The following WDR75 variants were observed in gnomAD, a reference collection of about 807,000 sequenced individuals.
The protein encoded by WDR75 is WD repeat domain 75, also known as WD repeat-containing protein 75.
A neutral mutation model predicts 106.1 loss-of-function variants in WDR75; 52 were observed. The observed-to-expected ratio is 0.49, with a 90% confidence interval of 0.39 to 0.62. The LOEUF (loss-of-function observed/expected upper bound fraction) is 0.62. Ranked by LOEUF, WDR75 falls within the 20% of genes least tolerant of loss-of-function variation. The pLI, the probability that WDR75 is intolerant of heterozygous loss-of-function variation, is 0.00. For synonymous variants in WDR75, 333 were observed against 335.5 expected (o/e 0.99, Z 0.08); for missense variants, 905 against 970.3 (o/e 0.93, Z 0.89).
chr2:189,451,991 A>G (rs984003389), intron 4 of WDR75, 96 bp downstream of exon 4: 3 of 970,112 alleles, frequency 3.1e-6, no homozygotes, highest in African/African-American at 3.3e-5. Context: ...TCTGAAGCCA[A>G]CAGTTTTTAG....
chr2:189,449,457 A>T, intron 2 of WDR75: 4 of 1,159,076 alleles, frequency 3.5e-6, no homozygotes, highest in Non-Finnish European at 4.3e-6. Context: ...CGCTGTGTGT[A>T]GTGTTTGAAT....
At chr2:189,457,821 C>A (rs966603) in intron 6 of WDR75, among the ~76,000 whole-genome samples, 152,193 of 152,326 alleles carry the variant, frequency 1, 76,030 homozygotes, top group Non-Finnish European at 1. Context: ...CAGAGTTGTA[C>A]TGATGAATGA....
chr2:189,464,632 A>G (rs1258400636), intron 11 of WDR75, among the ~76,000 whole-genome samples: 2 of 152,182 alleles, frequency 1.3e-5, no homozygotes, highest in African/African-American at 2.4e-5. Context: ...TAAAACAACC[A>G]TAAATAAATG....
Position 189,458,803 on chromosome 2 carries a change from C to T in WDR75, c.620C>T (p.Thr207Ile), listed in dbSNP as rs978949559. The change falls in exon 7 of 21, where the codon ACA becomes ATA. Residue 207 changes from threonine to isoleucine, a missense_variant. Transcript: ENST00000314761. ...RNKKHAKNNF[T>I]CVACHPTEDC... ...AAGAAGCATGCTAAAAACAATTTTA[C>T]ATGTGTAGCATGTCACCCAACGGAA... 5 of 1,606,424 alleles carry T rather than the reference C, an allele frequency of 3.1e-6. No individual in the cohort carries two copies. Among genetic ancestry groups the T allele is most frequent in the Non-Finnish European group, 4.2e-6 (5 of 1,176,628 alleles).
chr2:189,462,743 G>GT (rs1464857981), intron 9 of WDR75, 101 bp downstream of exon 9: 9 of 1,154,562 alleles, frequency 7.8e-6, no homozygotes, highest in African/African-American at 1.5e-5. Context: ...TAAGAGTAGC[G>GT]TATGAGATTT....
chr2:189,459,271 G>T, intron 7 of WDR75, 65 bp from the exon 8 acceptor site: 2 of 1,151,486 alleles, frequency 1.7e-6, no homozygotes, highest in Non-Finnish European at 2.5e-6. Context: ...TATTGTATTT[G>T]GCATGCCATT....
At chr2:189,457,204 A>G (rs112846132) in intron 5 of WDR75, 107 bp from the exon 6 acceptor site, 30,175 of 723,364 alleles carry the variant, frequency 0.042, 963 homozygotes, top group African/African-American at 0.13. Context: ...TCGCACCATC[A>G]CATTCCAGCC....
rs773207890 is a variant in WDR75, at chr2:189,467,534, G to A, written c.1514G>A (p.Cys505Tyr). Residue 505 changes from cysteine (C) to tyrosine (Y), a missense_variant, in exon 14 of 21, where the codon TGT becomes TAT. Cys to Tyr is a radical substitution (Grantham distance 194). Transcript: ENST00000314761. Reference sequence around the variant, plus strand: ...CACAAGTATCAAGCAACTAACTGTTGTTTCTCCGAAGATGGTTCTTTACTA... The same window carrying A: ...CACAAGTATCAAGCAACTAACTGTTATTTCTCCGAAGATGGTTCTTTACTA... ...SYHKYQATNC[C>Y]FSEDGSLLAV... is the part of the protein sequence containing the mutation. 6.2e-7 allele frequency: 1 copy of A among 1,611,204 alleles called. No individual in the cohort carries two copies. Among genetic ancestry groups the A allele is most frequent in the African/African-American group, 1.3e-5 (1 of 74,878 alleles).
rs540544797 is a variant in WDR75, at chr2:189,450,938, G to A, written c.252G>A (p.Leu84=). 6.2e-7 allele frequency: 1 copy of A among 1,610,900 alleles called. No individual in the cohort carries two copies. The highest frequency in any genetic ancestry group is 8.5e-7 in the Non-Finnish European group (1 of 1,179,230). Residue 84 remains leucine, a synonymous_variant, in exon 3 of 21, where the codon CTG becomes CTA. Transcript: ENST00000314761. ...GTTCCCTTGATGGCACAATTAAACTGTGGGACTATATAGATGGCATCTTAA... is the reference window on the plus strand; with the variant it reads ...GTTCCCTTGATGGCACAATTAAACTATGGGACTATATAGATGGCATCTTAA... ...YSCSLDGTIK[L]WDYIDGILIK...
intron 1 of WDR75, among the ~76,000 whole-genome samples, chr2:189,442,500 G>C (rs1323729884): frequency 7.9e-6 from 1 of 127,254 alleles, no homozygotes; most frequent in Non-Finnish European, 1.6e-5. Flanking sequence ...ACCCAGGCTG[G>C]AGTGCAGTGG....
chr2:189,449,640 G>A, intron 2 of WDR75: 1 of 1,027,914 alleles, frequency 9.7e-7, no homozygotes, highest in Non-Finnish European at 1.2e-6. Context: ...AGGTGCAGGG[G>A]CAGCAGTTCT....
chr2:189,471,120 GA>G (rs1412269384), intron 18 of WDR75, among the ~76,000 whole-genome samples: 1 of 151,992 alleles, frequency 6.6e-6, no homozygotes, highest in African/African-American at 2.4e-5. Flanking sequence ...AGGCTCTTCA[GA>G]AAAAACTTCT....
intron 2 of WDR75, chr2:189,450,580 G>A (rs574981929): frequency 9.0e-6 from 10 of 1,109,898 alleles, no homozygotes; most frequent in South Asian, 5.0e-5. Context: ...GCCTCCCAAA[G>A]TGCTGAGATT....
Position 189,449,521 on chromosome 2 carries a change from A to G in WDR75, c.216+1013A>G, listed in dbSNP as rs1167887855. The G allele has an allele frequency of 2.7e-6, 3 of 1,095,258 alleles. No homozygotes were observed. The East Asian group carries it at 1.9e-4, about 71-fold the overall frequency. 67.8% of individuals were successfully genotyped at this position (1,095,258 alleles called of 1,614,324 possible). A position where few individuals can be genotyped will look rare whatever the true frequency, so the allele number is the denominator to read the frequency against. ...TAAAATTGAAATTTGTGAAGTCCAT[A>G]TACTAAGTTTTATAGCCAAAAAAAC... On this transcript the variant is annotated intron_variant, in intron 2 of 20. Transcript: ENST00000314761.
chr2:189,450,874 A>G (rs1482805839), intron 2 of WDR75, 29 bp from the exon 3 acceptor site: 2 of 1,594,154 alleles, frequency 1.3e-6, no homozygotes, highest in East Asian at 4.5e-5. Flanking sequence ...TTTTTTTTAA[A>G]TCAATTTTGT....
chr2:189,460,188 G>A (rs1686847864), intron 8 of WDR75, among the ~76,000 whole-genome samples: 1 of 152,196 alleles, frequency 6.6e-6, no homozygotes, highest in African/African-American at 2.4e-5. Flanking sequence ...ACATACTAGA[G>A]AAGATTGTGT....
At position 189,467,552 on chromosome 2, in the gene WDR75, C is replaced by T. The variant is rs1687028160; in HGVS notation, c.1532C>T (p.Ser511Phe). 6.2e-7 allele frequency: 1 copy of T among 1,611,380 alleles called. No homozygotes were observed. Among genetic ancestry groups the T allele is most frequent in the African/African-American group, 1.3e-5 (1 of 74,764 alleles). Reference protein sequence around the residue: ...ATNCCFSEDGSLLAVSFEEIV... With the variant: ...ATNCCFSEDGFLLAVSFEEIV... ...AACTGTTGTTTCTCCGAAGATGGTTCTTTACTAGCAGTTAGTTTTGAGGAA... is the reference window on the plus strand; with the variant it reads ...AACTGTTGTTTCTCCGAAGATGGTTTTTTACTAGCAGTTAGTTTTGAGGAA... The change falls in exon 14 of 21, where the codon TCT (serine) becomes TTT (phenylalanine). Residue 511 changes from serine to phenylalanine, a missense_variant. Coordinates refer to ENST00000314761, the MANE Select transcript of WDR75 (RefSeq NM_032168.3).
intron 8 of WDR75, among the ~76,000 whole-genome samples, chr2:189,461,723 A>C (rs192604243): frequency 6.6e-6 from 1 of 152,254 alleles, no homozygotes; most frequent in East Asian, 1.9e-4. Flanking sequence ...CTTCTTTCCA[A>C]TCCTTAAGCC....
At chr2:189,448,036 T>C (rs1000342115) in intron 1 of WDR75, among the ~76,000 whole-genome samples, 1 of 152,166 alleles carries the variant, frequency 6.6e-6, no homozygotes, top group African/African-American at 2.4e-5. Flanking sequence ...AAAGGGGAGC[T>C]CTCCTGCACA....
Sources: allele counts gnomAD v4.1 joint callset (sites outside exome capture counted in the v4.1 genomes callset), GRCh38; gene constraint gnomAD v4.1.1; transcripts MANE v1.5; gene names NCBI Gene and HGNC (gene_info 2026-07-23, HGNC 2026-07-21).